ABHD2: variants seen among roughly 807,000 people sequenced by gnomAD.
ABHD2 encodes monoacylglycerol lipase ABHD2.
ABHD2 carries 20 observed loss-of-function variants against 48.1 expected under a neutral mutation model. The observed-to-expected ratio is 0.42, with a 90% CI of 0.29 to 0.60. ABHD2 has a LOEUF of 0.60. Ranked by LOEUF, ABHD2 falls within the 20% of genes least tolerant of loss-of-function variation. The pLI is 0.24. For missense variants in ABHD2, 405 were observed against 550.9 expected (o/e 0.74, Z 2.65); for synonymous variants, 209 against 214.2 (o/e 0.98, Z 0.21).
chr15:89,049,892 A>G, the ABHD2 span, among the ~76,000 whole-genome samples: 2 of 152,142 alleles, frequency 1.3e-5, no homozygotes, highest in South Asian at 2.1e-4. Flanking sequence ...AGCTGTTCCT[A>G]TTCGGCCATC....
chr15:89,080,161 G>A, the ABHD2 span, among the ~76,000 whole-genome samples: 7 of 152,174 alleles, frequency 4.6e-5, no homozygotes, highest in East Asian at 3.8e-4. Flanking sequence ...TCATAAAGCC[G>A]GATTGTCATC....
intron 3 of ABHD2, among the ~76,000 whole-genome samples, chr15:89,147,685 C>G (rs1191595850): frequency 6.6e-6 from 1 of 151,844 alleles, no homozygotes; most frequent in Admixed American, 6.6e-5. Context: ...ATGCAAAACA[C>G]AAAGGTTTTA....
chr15:89,111,270 A>G (rs574870841), intron 1 of ABHD2, among the ~76,000 whole-genome samples: 1 of 152,360 alleles, frequency 6.6e-6, no homozygotes, highest in East Asian at 1.9e-4. Context: ...ATAGAAAAAA[A>G]GAAGTCGCCA....
At chr15:89,136,279 C>T (rs118057193) in intron 3 of ABHD2, 3 of 412,908 alleles carry the variant, frequency 7.3e-6, no homozygotes, top group Non-Finnish European at 1.4e-5. Flanking sequence ...TTTCGTTTCT[C>T]TTTCGTATGG....
At chr15:89,107,921 G>C (rs574151470) in intron 1 of ABHD2, among the ~76,000 whole-genome samples, 68 of 152,306 alleles carry the variant, frequency 4.5e-4, no homozygotes, top group African/African-American at 1.6e-3. Flanking sequence ...TTTGCTGATA[G>C]CTAAGAGGAA....
At position 89,122,865 on chromosome 15, in the gene ABHD2, T is replaced by C. The variant is rs566888422; in HGVS notation, c.194+6344T>C. 1.7e-3 allele frequency among the ~76,000 whole-genome samples: 260 copies of C among 152,260 alleles called. 4 individuals are homozygous for C. Among genetic ancestry groups the C allele is most frequent in the African/African-American group, 5.9e-3 (245 of 41,550 alleles). ...AAGATGAAGGCATTTAGGAGGAGTG[T>C]GATGGAGGACTTGGCTAATAGGCCG... is the stretch of plus-strand genomic sequence containing the variant. On this transcript the variant is annotated intron_variant, in intron 3 of 10. Transcript: ENST00000352732.
rs1475134007 is a variant in ABHD2, at chr15:89,174,304, C to T, written c.539-1508C>T. On this transcript the variant is annotated intron_variant, in intron 5 of 10. Transcript: ENST00000352732. The surrounding 1 kb of genome is among the most constrained non-coding windows in gnomAD (Gnocchi z 4.1). Reference sequence around the variant, plus strand: ...TTACCTTTCACTCCATCTTTTACAGCATTTGAATTTTCTACCATGGGCATG... The same window carrying T: ...TTACCTTTCACTCCATCTTTTACAGTATTTGAATTTTCTACCATGGGCATG... Among the ~76,000 whole-genome samples, 1 of 152,140 alleles carries T rather than the reference C, an allele frequency of 6.6e-6. No homozygotes were observed. The highest frequency in any genetic ancestry group is 1.5e-5 in the Non-Finnish European group (1 of 68,026).
chr15:89,171,134 T>C (rs1310906087), intron 5 of ABHD2, among the ~76,000 whole-genome samples: 3 of 150,458 alleles, frequency 2.0e-5, no homozygotes, highest in Non-Finnish European at 4.4e-5. Context: ...AAAGAAAAGA[T>C]TTCATCCAGC....
chr15:89,175,946 G>A lies in ABHD2; in HGVS notation c.673G>A (p.Glu225Lys). 6.2e-7 allele frequency: 1 copy of A among 1,614,060 alleles called. No homozygotes were observed. Among genetic ancestry groups the A allele is most frequent in the Non-Finnish European group, 8.5e-7 (1 of 1,179,976 alleles). ...CTTGGGGGAGACTCAGGCAAACCAA[G>A]AGAAGGTCCTGTGCTGCGTCAGCGT... ...KYLGETQANQ[E>K]KVLCCVSVCQ... is the part of the protein sequence containing the mutation. The change falls in exon 6 of 11, where the codon GAG (glutamate) becomes AAG (lysine). Residue 225 changes from glutamate to lysine, a missense_variant. Coordinates refer to ENST00000352732, the MANE Select transcript of ABHD2 (RefSeq NM_152924.5). This position sits in a 1 kb window ranked among gnomAD's most constrained non-coding sequence, Gnocchi z 5.7.
the ABHD2 span, among the ~76,000 whole-genome samples, chr15:89,071,159 C>T: frequency 6.6e-6 from 1 of 152,174 alleles, no homozygotes; most frequent in Non-Finnish European, 1.5e-5. Flanking sequence ...GTGGCTCACA[C>T]CTGTGATCCC....
At chr15:89,065,524 C>T in the ABHD2 span, among the ~76,000 whole-genome samples, 1 of 152,070 alleles carries the variant, frequency 6.6e-6, no homozygotes, top group Non-Finnish European at 1.5e-5. Context: ...AAAATTAATG[C>T]CAAACACTCC....
In ABHD2 at chr15:89,100,057, A is replaced by G. The variant is rs1010237489; in HGVS notation, c.-107+11494A>G. ...GTCTGGGCAGCCGGTAGAGGAGCTT[A>G]TGGTCTGGAATGGGAGAAGGAACGT... On this transcript the variant is annotated intron_variant, in intron 1 of 10. Coordinates refer to ENST00000352732, the MANE Select transcript of ABHD2 (RefSeq NM_152924.5). The surrounding 1 kb of genome is among the most constrained non-coding windows in gnomAD (Gnocchi z 4.4). Among the ~76,000 whole-genome samples, 16 of 152,274 alleles carry G rather than the reference A, an allele frequency of 1.1e-4. No homozygotes were observed. The highest frequency in any genetic ancestry group is 1.9e-4 in the East Asian group (1 of 5,182).
Position 89,186,423 on chromosome 15 carries a change from G to A in ABHD2, c.815+907G>A, listed in dbSNP as rs371599150. 3.9e-5 allele frequency among the ~76,000 whole-genome samples: 6 copies of A among 151,990 alleles called. No homozygotes were observed. Among genetic ancestry groups the A allele is most frequent in the Non-Finnish European group, 4.4e-5 (3 of 68,012 alleles). On this transcript the variant is annotated intron_variant, in intron 7 of 10. Coordinates refer to ENST00000352732, the MANE Select transcript of ABHD2 (RefSeq NM_152924.5). This position sits in a 1 kb window ranked among gnomAD's most constrained non-coding sequence, Gnocchi z 4.3. The stretch of plus-strand genomic sequence containing the variant: ...CTGACATCTCTGCCTCCTCCTCTAC[G>A]CCTCTCATTCCCTCTAGCTGGACTA...
At chr15:89,076,749 GC>G in the ABHD2 span, among the ~76,000 whole-genome samples, 1 of 152,186 alleles carries the variant, frequency 6.6e-6, no homozygotes, top group Non-Finnish European at 1.5e-5. Context: ...CTTCCAAAGT[GC>G]TAGGATTACA....
intron 7 of ABHD2, among the ~76,000 whole-genome samples, chr15:89,187,070 TG>T (rs1362593826): frequency 6.6e-6 from 1 of 152,226 alleles, no homozygotes; most frequent in African/African-American, 2.4e-5. Flanking sequence ...TGAGTTTGAA[TG>T]GGTCTGGAGA....
the ABHD2 span, among the ~76,000 whole-genome samples, chr15:89,074,191 T>C: frequency 6.6e-6 from 1 of 152,110 alleles, no homozygotes; most frequent in East Asian, 1.9e-4. Context: ...CTGACCAACA[T>C]GGGGAAACCC....
chr15:89,047,447 AT>A, the ABHD2 span, among the ~76,000 whole-genome samples: 1 of 151,630 alleles, frequency 6.6e-6, no homozygotes, highest in Admixed American at 6.6e-5. Context: ...ATTCCTGGGT[AT>A]CCTTGTTGAC....
At chr15:89,085,615 T>C (rs1236728561), upstream of ABHD2, among the ~76,000 whole-genome samples, 1 of 152,228 alleles carries the variant, frequency 6.6e-6, no homozygotes, top group Non-Finnish European at 1.5e-5. The surrounding 1 kb of genome is among the most constrained non-coding windows in gnomAD (Gnocchi z 4.2). Flanking sequence ...TTTGAGCCTC[T>C]GTGACATAAT....
chr15:89,183,092 A>T (rs2051139053), intron 6 of ABHD2, among the ~76,000 whole-genome samples: 3 of 152,102 alleles, frequency 2.0e-5, no homozygotes, highest in Non-Finnish European at 4.4e-5. Context: ...TTTCTTAAAC[A>T]TAACCACAAA....
Sources: gnomAD v4.1 joint callset for allele counts (sites outside exome capture counted in the v4.1 genomes callset) on GRCh38, gnomAD v4.1.1 for gene constraint, Gnocchi (gnomAD v3.1) non-coding constraint, MANE v1.5 for transcripts, NCBI Gene and HGNC (gene_info 2026-07-23, HGNC 2026-07-21) for gene names.